The following PRDM16 variants were observed in gnomAD, a reference collection of about 807,000 sequenced individuals.
The protein encoded by PRDM16 is PR/SET domain 16, also known as histone-lysine N-methyltransferase PRDM16.
A neutral mutation model predicts 110.6 loss-of-function variants in PRDM16; 23 were observed. That is an observed-to-expected ratio of 0.21 (90% CI 0.15 to 0.29). The LOEUF is 0.29. PRDM16 is among the 10% of genes least tolerant of loss of function. The pLI is 1.00. For missense variants in PRDM16, 1,615 were observed against 1,794.3 expected (o/e 0.90, Z 1.81); for synonymous variants, 799 against 781.8 (o/e 1.02, Z -0.37).
At chr1:3,275,535 T>TG (rs370167341) in intron 3 of PRDM16, among the ~76,000 whole-genome samples, 2 of 151,690 alleles carry the variant, frequency 1.3e-5, no homozygotes, top group Non-Finnish European at 2.9e-5. Flanking sequence ...TGCCCCGAGG[T>TG]GGGGGGGTTC....
chr1:3,273,620 G>A (rs1396317896), intron 3 of PRDM16, among the ~76,000 whole-genome samples: 1 of 151,886 alleles, frequency 6.6e-6, no homozygotes. Flanking sequence ...GGGCACGTAA[G>A]TGTGTGTGTG....
intron 3 of PRDM16, among the ~76,000 whole-genome samples, chr1:3,361,731 A>G (rs1642716804): frequency 6.6e-6 from 1 of 150,624 alleles, no homozygotes; most frequent in East Asian, 2.0e-4. Context: ...AGTGACTGTG[A>G]CCCGGGAGCG....
At chr1:3,356,904 G>A (rs2500306) in intron 3 of PRDM16, among the ~76,000 whole-genome samples, 19,945 of 152,158 alleles carry the variant, frequency 0.13, 1,383 homozygotes, top group Middle Eastern at 0.19. Flanking sequence ...TCCCGGCAGC[G>A]GGAGGGCCGA....
At chr1:3,188,510 C>T (rs1266131814) in intron 2 of PRDM16, among the ~76,000 whole-genome samples, 1 of 152,206 alleles carries the variant, frequency 6.6e-6, no homozygotes, top group African/African-American at 2.4e-5. Flanking sequence ...GGAACGCGCT[C>T]TCCTCACGGC....
intron 10 of PRDM16, among the ~76,000 whole-genome samples, chr1:3,415,790 G>T (rs1046740443): frequency 1.1e-4 from 16 of 152,240 alleles, no homozygotes; most frequent in Admixed American, 5.2e-4. Flanking sequence ...GCCAGGAGGT[G>T]GGGGGCGGGA....
intron 1 of PRDM16, among the ~76,000 whole-genome samples, chr1:3,172,880 C>G (rs530136235): frequency 6.6e-6 from 1 of 152,304 alleles, no homozygotes; most frequent in African/African-American, 2.4e-5. Context: ...AGGCAGCGCA[C>G]AGCATGAATG....
rs142583951 is a variant in PRDM16, at chr1:3,350,241, G to A, written c.439-34911G>A. Among the ~76,000 whole-genome samples the A allele has an allele frequency of 9.7e-4, 147 of 152,296 alleles. No homozygotes were observed. In the East Asian group the frequency reaches 0.016, roughly 17 times the overall value. On this transcript the variant is annotated intron_variant, in intron 3 of 16. Coordinates refer to ENST00000270722, the MANE Select transcript of PRDM16 (RefSeq NM_022114.4). This position sits in a 1 kb window ranked among gnomAD's most constrained non-coding sequence, Gnocchi z 7.1. ...CTCAGGAGGCTGAGGCAGGAGGATC[G>A]CTTGAGCTCAGGAGGTCCGGGCTAC...
chr1:3,179,966 G>A (rs1644131442), intron 1 of PRDM16, among the ~76,000 whole-genome samples: 1 of 151,964 alleles, frequency 6.6e-6, no homozygotes, highest in African/African-American at 2.4e-5. Flanking sequence ...AGACATTAAC[G>A]AATGACAAGG....
rs931786322 is a variant in PRDM16, at chr1:3,217,352, A to T, written c.388-26735A>T. Among the ~76,000 whole-genome samples the T allele has an allele frequency of 2.0e-5, 3 of 152,236 alleles. No homozygotes were observed. In the East Asian group the frequency reaches 5.8e-4, roughly 29 times the overall value. On this transcript the variant is annotated intron_variant, in intron 2 of 16. Transcript: ENST00000270722. ...CTGTCAGTTCAGAAGACGCTGCAGC[A>T]GCTGCTGGGCTGCCCCCCAGCTCTT...
At chr1:3,309,316 C>A (rs1479061016) in intron 3 of PRDM16, 1 of 152,232 alleles carries the variant, frequency 6.6e-6, no homozygotes, top group Non-Finnish European at 1.5e-5. Context: ...GGGAAAGAAA[C>A]CTGATTCCGT....
At chr1:3,326,789 C>T (rs1641922281) in intron 3 of PRDM16, among the ~76,000 whole-genome samples, 1 of 152,216 alleles carries the variant, frequency 6.6e-6, no homozygotes. Flanking sequence ...CACCAGCCGC[C>T]GCGTGGCCTG....
intron 2 of PRDM16, among the ~76,000 whole-genome samples, chr1:3,238,505 G>A (rs796403582): frequency 5.9e-5 from 9 of 152,330 alleles, no homozygotes; most frequent in African/African-American, 2.2e-4. Context: ...CGGCCAAGCT[G>A]ATTTTTTTAA....
At chr1:3,424,464 G>A (rs756638473) in intron 12 of PRDM16, among the ~76,000 whole-genome samples, 52 of 152,352 alleles carry the variant, frequency 3.4e-4, no homozygotes, top group Non-Finnish European at 6.3e-4. Flanking sequence ...ATAAACTCAG[G>A]GTGTTAGAGT....
intron 3 of PRDM16, among the ~76,000 whole-genome samples, chr1:3,321,413 T>C (rs1001447985): frequency 6.6e-6 from 1 of 151,708 alleles, no homozygotes; most frequent in Non-Finnish European, 1.5e-5. Context: ...TTTGTGAGTG[T>C]ATGCATTTGT....
chr1:3,370,562 C>A lies in PRDM16; in HGVS notation c.439-14590C>A, dbSNP rs910748298. Reference sequence around the variant, plus strand: ...CCAGAGGAGAGGAAGTGACCTGCGACGTGATAGCCATGGCCCAGTGCAGTG... The same window carrying A: ...CCAGAGGAGAGGAAGTGACCTGCGAAGTGATAGCCATGGCCCAGTGCAGTG... On this transcript the variant is annotated intron_variant, in intron 3 of 16. Coordinates refer to ENST00000270722, the MANE Select transcript of PRDM16 (RefSeq NM_022114.4). This position sits in a 1 kb window ranked among gnomAD's most constrained non-coding sequence, Gnocchi z 4.8. 6.6e-6 allele frequency among the ~76,000 whole-genome samples: 1 copy of A among 152,140 alleles called. No individual in the cohort carries two copies. Among genetic ancestry groups the A allele is most frequent in the Non-Finnish European group, 1.5e-5 (1 of 68,020 alleles).
At chr1:3,322,003 C>A (rs888862539) in intron 3 of PRDM16, among the ~76,000 whole-genome samples, 2 of 145,896 alleles carry the variant, frequency 1.4e-5, no homozygotes, top group Non-Finnish European at 3.0e-5. Context: ...TGTGTGAGTG[C>A]GTACGTTTGT....
intron 1 of PRDM16, among the ~76,000 whole-genome samples, chr1:3,180,551 G>A (rs1169222533): frequency 2.0e-5 from 3 of 152,152 alleles, no homozygotes; most frequent in African/African-American, 7.2e-5. Flanking sequence ...GGGCCCGAGG[G>A]CCGCAAAAGT....
intron 3 of PRDM16, among the ~76,000 whole-genome samples, chr1:3,377,731 T>C (rs1254982177): frequency 6.6e-6 from 1 of 152,188 alleles, no homozygotes; most frequent in African/African-American, 2.4e-5. Flanking sequence ...CATGGTGGCC[T>C]CCAGATCACT....
rs377170973 is a variant in PRDM16, at chr1:3,324,053, G to A, written c.439-61099G>A. On this transcript the variant is annotated intron_variant, in intron 3 of 16. Coordinates refer to ENST00000270722, the MANE Select transcript of PRDM16 (RefSeq NM_022114.4). The stretch of plus-strand genomic sequence containing the variant: ...CTCCCTCCGTCTGGGTTGGGAGGAG[G>A]ATCTACCAGCAGCAGGGCCAGCCCC... Among the ~76,000 whole-genome samples, 28 of 152,280 alleles carry A rather than the reference G, an allele frequency of 1.8e-4. 2 individuals are homozygous for A. In the South Asian group the frequency reaches 5.8e-3, roughly 32 times the overall value.
Sources: allele counts gnomAD v4.1 joint callset (sites outside exome capture counted in the v4.1 genomes callset), GRCh38; gene constraint gnomAD v4.1.1; non-coding constraint Gnocchi (gnomAD v3.1); transcripts MANE v1.5; gene names NCBI Gene and HGNC (gene_info 2026-07-23, HGNC 2026-07-21).